Variants in STX12 observed in about 807,000 individuals in gnomAD.
STX12 encodes syntaxin-12.
STX12 carries 17 observed loss-of-function variants against 42.2 expected under a neutral mutation model. That is an observed-to-expected ratio of 0.40 (90% confidence interval 0.28 to 0.60). The LOEUF (loss-of-function observed/expected upper bound fraction) is 0.60. STX12 is among the 20% of genes least tolerant of loss of function. STX12 has a pLI of 0.39. For missense variants in STX12, 297 were observed against 330.9 expected (o/e 0.90, Z 0.79); for synonymous variants, 108 against 116.7 (o/e 0.93, Z 0.48).
chr1:27,810,899 G>A (rs754686903), intron 5 of STX12, among the ~76,000 whole-genome samples: 4 of 152,082 alleles, frequency 2.6e-5, no homozygotes, highest in South Asian at 2.1e-4. Context: ...CGAAGAGGAC[G>A]TTATTTAAAC....
At chr1:27,777,760 G>A (rs911614962) in intron 1 of STX12, among the ~76,000 whole-genome samples, 2 of 152,096 alleles carry the variant, frequency 1.3e-5, no homozygotes, top group African/African-American at 4.8e-5. Flanking sequence ...GATGGTGCAC[G>A]CCTGTAATCC....
chr1:27,818,010 C>CTGAA (rs2148608252), intron 7 of STX12, 87 bp downstream of exon 7: 1 of 1,136,802 alleles, frequency 8.8e-7, no homozygotes, highest in Admixed American at 1.9e-5. Context: ...AAGGCTGAGG[C>CTGAA]TGAAGCACCA....
At chr1:27,778,584 G>A (rs928140206) in intron 1 of STX12, among the ~76,000 whole-genome samples, 4 of 151,976 alleles carry the variant, frequency 2.6e-5, no homozygotes, top group Non-Finnish European at 4.4e-5. Flanking sequence ...CTAGCTGCTC[G>A]GGAGGCTGAG....
intron 5 of STX12, among the ~76,000 whole-genome samples, chr1:27,811,309 A>G (rs556320289): frequency 2.9e-4 from 39 of 133,910 alleles, no homozygotes; most frequent in Non-Finnish European, 5.5e-4. Context: ...CTCCGTCTCA[A>G]AAAAAAAAAA....
At chr1:27,822,198 A>C in intron 8 of STX12, 33 bp from the exon 9 acceptor site, 1 of 1,320,200 alleles carries the variant, frequency 7.6e-7, no homozygotes. Context: ...TACTTGTTTC[A>C]TGAGTATCTT....
Position 27,819,736 on chromosome 1 carries a change from A to T in STX12, c.732+4A>T. 6.2e-7 allele frequency: 1 copy of T among 1,613,228 alleles called. No individual in the cohort carries two copies. Among genetic ancestry groups the T allele is most frequent in the Admixed American group, 1.7e-5 (1 of 59,936 alleles). On this transcript the variant is annotated splice_donor_region_variant and intron_variant, in intron 8 of 8. Transcript: ENST00000373943. ...ACAGCGAGCTGCTTACTATCAGGTA[A>T]AAGCGGGTACCAAAGAAAGTCACTC...
At chr1:27,808,251 T>G (rs2088877916) in intron 4 of STX12, among the ~76,000 whole-genome samples, 1 of 152,052 alleles carries the variant, frequency 6.6e-6, no homozygotes, top group South Asian at 2.1e-4. Flanking sequence ...ATTGCTATTA[T>G]AAAAAGGGTA....
chr1:27,791,138 G>A (rs1220574626), intron 2 of STX12, among the ~76,000 whole-genome samples: 3 of 152,008 alleles, frequency 2.0e-5, no homozygotes, highest in Non-Finnish European at 2.9e-5. Context: ...GCGCGTGCCT[G>A]TAATCCCGGC....
chr1:27,818,483 AT>A (rs1053334408), intron 7 of STX12, among the ~76,000 whole-genome samples: 2 of 152,074 alleles, frequency 1.3e-5, no homozygotes, highest in Non-Finnish European at 2.9e-5. Context: ...TTTCGTAGCA[AT>A]TTTTTTATGT....
At chr1:27,781,692 TTTAA>T (rs1422730302) in intron 1 of STX12, among the ~76,000 whole-genome samples, 3 of 152,146 alleles carry the variant, frequency 2.0e-5, no homozygotes, top group South Asian at 2.1e-4. Context: ...TTATATATTC[TTTAA>T]TTAATTCAAG....
intron 8 of STX12, among the ~76,000 whole-genome samples, chr1:27,821,473 A>AT (rs1198468357): frequency 3.3e-5 from 5 of 152,284 alleles, no homozygotes; most frequent in African/African-American, 1.2e-4. Context: ...ATGTCAAATA[A>AT]TATACATAGA....
intron 1 of STX12, among the ~76,000 whole-genome samples, chr1:27,776,705 A>G (rs561273055): frequency 6.6e-6 from 1 of 152,310 alleles, no homozygotes; most frequent in African/African-American, 2.4e-5. Context: ...TGGCAGATCA[A>G]TACTTTGTCT....
At position 27,822,505 on chromosome 1, in the gene STX12, T is replaced by C. The variant is rs1471181374; in HGVS notation, c.*176T>C. On this transcript the variant is annotated 3_prime_UTR_variant, in exon 9 of 9. Coordinates refer to ENST00000373943, the MANE Select transcript of STX12 (RefSeq NM_177424.3). ...TCGTGACCTATGGAGACAGTAATTA[T>C]CAATTTATTGATTCTATTGATTTCT... 2.0e-6 allele frequency: 1 copy of C among 494,468 alleles called. No individual in the cohort carries two copies. Among genetic ancestry groups the C allele is most frequent in the Admixed American group, 3.4e-5 (1 of 29,502 alleles). The allele number at this position is 494,468 out of a possible 1,614,324, so 30.6% of individuals were successfully genotyped here. A position where few individuals can be genotyped will look rare whatever the true frequency, so the allele number is the denominator to read the frequency against.
chr1:27,783,161 C>T (rs2088679299), intron 1 of STX12, among the ~76,000 whole-genome samples: 1 of 152,128 alleles, frequency 6.6e-6, no homozygotes, highest in Non-Finnish European at 1.5e-5. Flanking sequence ...CCGATATCAG[C>T]TTAAAGTACA....
intron 1 of STX12, among the ~76,000 whole-genome samples, chr1:27,779,069 G>C (rs1369638876): frequency 6.6e-6 from 1 of 152,000 alleles, no homozygotes; most frequent in Non-Finnish European, 1.5e-5. Context: ...AAATCCTTGG[G>C]GTTCCACTTT....
intron 3 of STX12, among the ~76,000 whole-genome samples, chr1:27,796,445 G>A (rs1046174211): frequency 1.3e-5 from 2 of 152,146 alleles, no homozygotes; most frequent in Non-Finnish European, 2.9e-5. Context: ...GTGGAGTGGC[G>A]CAGTCGTGGC....
At chr1:27,791,581 C>T (rs1316799597) in intron 2 of STX12, among the ~76,000 whole-genome samples, 1 of 152,080 alleles carries the variant, frequency 6.6e-6, no homozygotes, top group African/African-American at 2.4e-5. Context: ...TCTGGGAGGC[C>T]GAGGTGGGTG....
intron 1 of STX12, among the ~76,000 whole-genome samples, chr1:27,786,439 C>T (rs1334815298): frequency 6.6e-6 from 1 of 152,106 alleles, no homozygotes; most frequent in Admixed American, 6.6e-5. Context: ...CACTTCAGCT[C>T]TTAACTGAAT....
chr1:27,773,376 C>T lies in STX12; in HGVS notation c.69C>T (p.Ser23=). The change falls in exon 1 of 9, where the codon AGC becomes AGT. Residue 23 remains serine (S), a synonymous_variant. Transcript: ENST00000373943. ...GPSGPQLRDF[S]SIIQTCSGNI... ...CGGGGCCCCAGCTCCGGGACTTCAG[C>T]AGCATCATCCAGACGTGCAGCGGCA... is the stretch of plus-strand genomic sequence containing the variant. 1 of 1,613,828 alleles carries T rather than the reference C, an allele frequency of 6.2e-7. No individual in the cohort carries two copies. The highest frequency in any genetic ancestry group is 1.1e-5 in the South Asian group (1 of 91,084).
Sources: gnomAD v4.1 joint callset for allele counts (sites outside exome capture counted in the v4.1 genomes callset) on GRCh38, gnomAD v4.1.1 for gene constraint, MANE v1.5 for transcripts, NCBI Gene and HGNC (gene_info 2026-07-23, HGNC 2026-07-21) for gene names.